RPAP2: variants seen among roughly 807,000 people sequenced by gnomAD.
RPAP2 encodes RNA polymerase II associated protein 2, also known as putative RNA polymerase II subunit B1 CTD phosphatase RPAP2.
In RPAP2, 52 loss-of-function variants were observed where a neutral mutation model predicts 73.1. That is an observed-to-expected ratio of 0.71 (90% CI 0.57 to 0.90). RPAP2 has a LOEUF of 0.90. Ranked by LOEUF, RPAP2 falls within the 40% of genes least tolerant of loss-of-function variation. The pLI is 0.00. For missense variants in RPAP2, 598 were observed against 701.8 expected (o/e 0.85, Z 1.67); for synonymous variants, 225 against 242.1 (o/e 0.93, Z 0.65).
intron 10 of RPAP2, among the ~76,000 whole-genome samples, chr1:92,343,874 T>G (rs1479878214): frequency 1.3e-5 from 2 of 152,184 alleles, no homozygotes; most frequent in Admixed American, 6.5e-5. Context: ...TAGGCCTTAT[T>G]GCAAAGATGA....
At chr1:92,384,664 A>G (rs1024189861) in intron 12 of RPAP2, among the ~76,000 whole-genome samples, 1 of 151,380 alleles carries the variant, frequency 6.6e-6, no homozygotes, top group African/African-American at 2.4e-5. Flanking sequence ...ACTGCCCCCC[A>G]ATTTATACCC....
chr1:92,371,549 T>G (rs1655154442), intron 11 of RPAP2, among the ~76,000 whole-genome samples: 1 of 151,412 alleles, frequency 6.6e-6, no homozygotes, highest in Admixed American at 6.6e-5. Context: ...AACAGATACA[T>G]GAATAAAGAA....
chr1:92,355,601 T>G (rs1654423888), intron 11 of RPAP2, among the ~76,000 whole-genome samples: 1 of 152,124 alleles, frequency 6.6e-6, no homozygotes, highest in Admixed American at 6.6e-5. Context: ...ATGGAAAGAT[T>G]TCAGAGTACT....
In RPAP2 at chr1:92,391,078, T is replaced by C. The variant is rs1236609855; in HGVS notation, c.*4067T>C. Reference sequence around the variant, plus strand: ...AACTCTCCACCCCAAATCAACAGAATATACATTCTTGTCAGCACCACATCA... The same window carrying C: ...AACTCTCCACCCCAAATCAACAGAACATACATTCTTGTCAGCACCACATCA... On this transcript the variant is annotated 3_prime_UTR_variant, in exon 13 of 13. Coordinates refer to ENST00000610020, the MANE Select transcript of RPAP2 (RefSeq NM_024813.3). 3 of 152,174 alleles carry C rather than the reference T, an allele frequency of 2.0e-5. No homozygotes were observed. The highest frequency in any genetic ancestry group is 1.3e-4 in the Admixed American group (2 of 15,272). 9.4% of individuals were successfully genotyped at this position (152,174 alleles called of 1,614,324 possible). A position where few individuals can be genotyped will look rare whatever the true frequency, so the allele number is the denominator to read the frequency against.
In RPAP2 at chr1:92,400,502, T is replaced by C. The variant is rs1656288638; in HGVS notation, c.*13491T>C. 1 of 152,172 alleles carries C rather than the reference T, an allele frequency of 6.6e-6. No homozygotes were observed. Among genetic ancestry groups the C allele is most frequent in the African/African-American group, 2.4e-5 (1 of 41,422 alleles). 9.4% of individuals were successfully genotyped at this position (152,172 alleles called of 1,614,324 possible). A position where few individuals can be genotyped will look rare whatever the true frequency, so the allele number is the denominator to read the frequency against. The stretch of plus-strand genomic sequence containing the variant: ...ACCCAGCTAATATTTTTTTTAATTT[T>C]ATATTTTTTAGAGACAGGGTGTCAC... On this transcript the variant is annotated 3_prime_UTR_variant, in exon 13 of 13. Coordinates refer to ENST00000610020, the MANE Select transcript of RPAP2 (RefSeq NM_024813.3).
chr1:92,349,995 G>A (rs1654116846), intron 11 of RPAP2, among the ~76,000 whole-genome samples: 1 of 152,056 alleles, frequency 6.6e-6, no homozygotes, highest in Non-Finnish European at 1.5e-5. Context: ...TTGTATTTGT[G>A]TATCTCAGAA....
At chr1:92,314,063 C>G (rs1483202689) in intron 6 of RPAP2, among the ~76,000 whole-genome samples, 1 of 152,230 alleles carries the variant, frequency 6.6e-6, no homozygotes, top group East Asian at 1.9e-4. Context: ...CTAAAACTTT[C>G]TCTATACCAG....
intron 11 of RPAP2, among the ~76,000 whole-genome samples, chr1:92,371,208 G>A (rs1655132855): frequency 6.6e-6 from 1 of 151,970 alleles, no homozygotes; most frequent in African/African-American, 2.4e-5. Context: ...GGGAGGCTGA[G>A]GCAGGAGAAT....
chr1:92,344,892 C>A (rs1425648790), intron 10 of RPAP2, among the ~76,000 whole-genome samples: 1 of 152,036 alleles, frequency 6.6e-6, no homozygotes, highest in Non-Finnish European at 1.5e-5. Context: ...CTGTTCATAT[C>A]CTTTACCATT....
At chr1:92,371,493 C>T (rs1446698895) in intron 11 of RPAP2, among the ~76,000 whole-genome samples, 2 of 151,708 alleles carry the variant, frequency 1.3e-5, no homozygotes, top group African/African-American at 4.8e-5. Context: ...TTCATTGCAG[C>T]ATTGTTCACA....
chr1:92,342,020 G>C (rs533823696), intron 10 of RPAP2, among the ~76,000 whole-genome samples: 4 of 152,188 alleles, frequency 2.6e-5, no homozygotes, highest in Non-Finnish European at 5.9e-5. Context: ...TTGGCTATAT[G>C]CTAGATACTG....
At chr1:92,322,634 G>T (rs1652348350) in intron 7 of RPAP2, among the ~76,000 whole-genome samples, 1 of 151,976 alleles carries the variant, frequency 6.6e-6, no homozygotes, top group South Asian at 2.1e-4. Flanking sequence ...CAGCACTTTG[G>T]GAGGCCAAGG....
At chr1:92,359,397 G>A (rs942359997) in intron 11 of RPAP2, among the ~76,000 whole-genome samples, 15 of 152,170 alleles carry the variant, frequency 9.9e-5, no homozygotes, top group African/African-American at 1.4e-4. Context: ...TCGGCTCACC[G>A]CAACCCCCGC....
At chr1:92,371,003 G>T (rs1655124692) in intron 11 of RPAP2, among the ~76,000 whole-genome samples, 2 of 152,004 alleles carry the variant, frequency 1.3e-5, no homozygotes, top group East Asian at 1.9e-4. Flanking sequence ...CAATGTGGAG[G>T]TTCCTCAAGA....
chr1:92,304,069 G>T lies in RPAP2; in HGVS notation c.327G>T (p.Leu109=), dbSNP rs1571017125. The change falls in exon 4 of 13, where the codon CTG becomes CTT. Residue 109 remains leucine (L), a synonymous_variant. Transcript: ENST00000610020. The part of the protein sequence containing the change: ...LCGYPLCQKK[L]GIVPKQKYKI... ...GTTATCCTTTATGTCAGAAGAAGCT[G>T]GGAATTGTAAGTAACTCATTTTTTT... is the stretch of plus-strand genomic sequence containing the variant. The T allele has an allele frequency of 6.2e-7, 1 of 1,602,318 alleles. No individual in the cohort carries two copies. Among genetic ancestry groups the T allele is most frequent in the East Asian group, 2.2e-5 (1 of 44,718 alleles).
At chr1:92,383,610 G>GA (rs1288440876) in intron 12 of RPAP2, among the ~76,000 whole-genome samples, 14 of 152,198 alleles carry the variant, frequency 9.2e-5, no homozygotes, top group Non-Finnish European at 1.5e-5. Context: ...TTTGTACATT[G>GA]ATTTTGTATC....
chr1:92,345,117 A>G (rs1285510406), intron 10 of RPAP2, among the ~76,000 whole-genome samples: 6 of 152,102 alleles, frequency 3.9e-5, no homozygotes, highest in Admixed American at 6.6e-5. Context: ...ATTTCTGTAA[A>G]TTATGCATTA....
rs1655897357 is a variant in RPAP2 at position 92,387,131 on chromosome 1, C to G, written c.*120C>G. 1 of 1,022,232 alleles carries G rather than the reference C, an allele frequency of 9.8e-7. No individual in the cohort carries two copies. The highest frequency in any genetic ancestry group is 2.4e-5 in the Admixed American group (1 of 41,738). The allele number at this position is 1,022,232 out of a possible 1,614,324, so 63.3% of individuals were successfully genotyped here. On this transcript the variant is annotated 3_prime_UTR_variant, in exon 13 of 13. Coordinates refer to ENST00000610020, the MANE Select transcript of RPAP2 (RefSeq NM_024813.3). ...TTTATTCCAAGACATACCTTTACCT[C>G]TTTAAGTTTCAATCTCCCATCTCCC...
chr1:92,366,746 A>G (rs1654951745), intron 11 of RPAP2, among the ~76,000 whole-genome samples: 1 of 152,218 alleles, frequency 6.6e-6, no homozygotes, highest in South Asian at 2.1e-4. Flanking sequence ...TTTTGAAAGT[A>G]TATACCAGAC....
Sources: allele counts gnomAD v4.1 joint callset (sites outside exome capture counted in the v4.1 genomes callset), GRCh38; gene constraint gnomAD v4.1.1; transcripts MANE v1.5; gene names NCBI Gene and HGNC (gene_info 2026-07-23, HGNC 2026-07-21).